LAMC1: variants seen among roughly 807,000 people sequenced by gnomAD.
The protein encoded by LAMC1 is laminin subunit gamma-1.
Under a neutral mutation model 173.6 loss-of-function variants are expected in LAMC1, and 38 were observed. The ratio of observed to expected loss-of-function variants is 0.22; its 90% confidence interval spans 0.17 to 0.29. The LOEUF (loss-of-function observed/expected upper bound fraction) is 0.29, where lower values mean the gene tolerates loss of function less well. LAMC1 is among the 10% of genes least tolerant of loss of function. The pLI is 1.00. For synonymous variants in LAMC1, 746 were observed against 749.1 expected (o/e 1.00, Z 0.07); for missense variants, 1,824 against 2,051.8 (o/e 0.89, Z 2.14).
At chr1:183,094,907 C>CA (rs1655653996) in intron 1 of LAMC1, among the ~76,000 whole-genome samples, 1 of 148,438 alleles carries the variant, frequency 6.7e-6, no homozygotes, top group Non-Finnish European at 1.5e-5. Flanking sequence ...AGTACAGTAA[C>CA]ACGATCTCAG....
intron 3 of LAMC1, among the ~76,000 whole-genome samples, chr1:183,109,297 G>C (rs1336656745): frequency 3.9e-5 from 6 of 152,182 alleles, no homozygotes; most frequent in Non-Finnish European, 7.3e-5. Context: ...TGGGCCAGGA[G>C]GATTAATGTG....
chr1:183,067,581 C>T (rs1367382168), intron 1 of LAMC1, among the ~76,000 whole-genome samples: 1 of 152,060 alleles, frequency 6.6e-6, no homozygotes, highest in African/African-American at 2.4e-5. Flanking sequence ...CTCTGCCTCC[C>T]AGGTTCAAGT....
At chr1:183,045,410 A>G (rs1309695906) in intron 1 of LAMC1, among the ~76,000 whole-genome samples, 1 of 152,008 alleles carries the variant, frequency 6.6e-6, no homozygotes, top group Non-Finnish European at 1.5e-5. Context: ...TGTAATTCCT[A>G]AACAATGTAT....
At position 183,114,739 on chromosome 1, in the gene LAMC1, A is replaced by G; in HGVS notation, c.1210+20A>G. 4 of 1,606,570 alleles carry G rather than the reference A, an allele frequency of 2.5e-6. No homozygotes were observed. Among genetic ancestry groups the G allele is most frequent in the East Asian group, 2.2e-5 (1 of 44,714 alleles). On this transcript the variant is annotated intron_variant, in intron 5 of 27. Transcript: ENST00000258341. Reference sequence around the variant, plus strand: ...CTGTGGGTAAGTGACAGGAAGATGGATTGAAAGACAAAATGATAGTTCCGT... The same window carrying G: ...CTGTGGGTAAGTGACAGGAAGATGGGTTGAAAGACAAAATGATAGTTCCGT...
rs1346317490 is a variant in LAMC1 at position 183,126,176 on chromosome 1, A to T, written c.2858A>T (p.Gln953Leu). 10 of 1,614,128 alleles carry T rather than the reference A, an allele frequency of 6.2e-6. No individual in the cohort carries two copies. Among genetic ancestry groups the T allele is most frequent in the Non-Finnish European group, 7.6e-6 (9 of 1,180,042 alleles). ...TNGQCDIRTG[Q>L]CECQPGITGQ... ...GGGCAGTGTGACATCCGCACCGGCC[A>T]GTGTGAGTGCCAGCCCGGCATCACT... The change falls in exon 16 of 28, where the codon CAG (glutamine) becomes CTG (leucine). Residue 953 changes from glutamine to leucine, a missense_variant. Physicochemically the swap from Gln to Leu is moderately radical, Grantham distance 113. Transcript: ENST00000258341.
chr1:183,136,688 A>T, intron 25 of LAMC1, 103 bp downstream of exon 25: 1 of 948,778 alleles, frequency 1.1e-6, no homozygotes. Context: ...TTTTTCCTGA[A>T]CTTCAGTAAA....
At position 183,137,651 on chromosome 1, in the gene LAMC1, A is replaced by G. The variant is rs554219668; in HGVS notation, c.4315-18A>G. On this transcript the variant is annotated intron_variant, in intron 25 of 27. Coordinates refer to ENST00000258341, the MANE Select transcript of LAMC1 (RefSeq NM_002293.4). ...GGAAAGCTTTTTTAAAAAAAGTACA[A>G]TTTTCTTTTGTGCCTAGAATGCCAC... is the stretch of plus-strand genomic sequence containing the variant. 1.7e-5 allele frequency: 25 copies of G among 1,514,966 alleles called. No homozygotes were observed. Among genetic ancestry groups the G allele is most frequent in the Admixed American group, 2.3e-5 (1 of 43,946 alleles). The allele number at this position is 1,514,966 out of a possible 1,614,324, so 93.8% of individuals were successfully genotyped here. A position where few individuals can be genotyped will look rare whatever the true frequency, so the allele number is the denominator to read the frequency against.
At chr1:183,052,365 C>T (rs1441444692) in intron 1 of LAMC1, among the ~76,000 whole-genome samples, 2 of 151,932 alleles carry the variant, frequency 1.3e-5, no homozygotes, top group South Asian at 2.1e-4. Context: ...GACACAGTCT[C>T]ACTCTGTCGC....
Position 183,125,422 on chromosome 1 carries a change from C to T in LAMC1, c.2673C>T (p.Thr891=), listed in dbSNP as rs750305556. Residue 891 remains threonine, a synonymous_variant, in exon 15 of 28, where the codon ACC becomes ACT. Transcript: ENST00000258341. ...CCTGCAATTGCAATCTGTATGGGACCATGAAGCAGCAGAGCAGCTGTAACC... is the reference window on the plus strand; with the variant it reads ...CCTGCAATTGCAATCTGTATGGGACTATGAAGCAGCAGAGCAGCTGTAACC... ...CKACNCNLYG[T]MKQQSSCNPV... 5.6e-6 allele frequency: 9 copies of T among 1,613,954 alleles called. No homozygotes were observed. Among genetic ancestry groups the T allele is most frequent in the Non-Finnish European group, 7.6e-6 (9 of 1,179,986 alleles).
chr1:183,055,019 G>A (rs186628411), intron 1 of LAMC1, among the ~76,000 whole-genome samples: 54 of 143,406 alleles, frequency 3.8e-4, no homozygotes, highest in African/African-American at 1.3e-3. Flanking sequence ...ATGGAGTTTC[G>A]CTCTTGTTGC....
At chr1:183,109,129 C>T (rs575665682) in intron 3 of LAMC1, among the ~76,000 whole-genome samples, 2 of 152,258 alleles carry the variant, frequency 1.3e-5, no homozygotes, top group African/African-American at 4.8e-5. Flanking sequence ...CTTGGACTTA[C>T]CTCCCCTGTG....
chr1:183,103,069 G>A (rs778384717), intron 1 of LAMC1, among the ~76,000 whole-genome samples: 4 of 152,094 alleles, frequency 2.6e-5, no homozygotes, highest in Non-Finnish European at 5.9e-5. Flanking sequence ...ACTAACATAC[G>A]CCGCCAGTTT....
chr1:183,097,015 G>T (rs1460475988), intron 1 of LAMC1, among the ~76,000 whole-genome samples: 1 of 152,098 alleles, frequency 6.6e-6, no homozygotes, highest in Non-Finnish European at 1.5e-5. Flanking sequence ...GCCTGTGTCT[G>T]CTTGAGGATC....
intron 21 of LAMC1, 56 bp downstream of exon 21, chr1:183,132,593 T>A: frequency 1.5e-6 from 2 of 1,373,506 alleles, no homozygotes; most frequent in Non-Finnish European, 2.1e-6. Context: ...TAAGTAACAC[T>A]AGTTCAATGA....
chr1:183,100,124 C>T (rs990727491), intron 1 of LAMC1, among the ~76,000 whole-genome samples: 2 of 152,176 alleles, frequency 1.3e-5, no homozygotes, highest in South Asian at 2.1e-4. Flanking sequence ...CTTTGTAGTA[C>T]ATCAGTTACT....
rs1653608732 is a variant in LAMC1, at chr1:183,023,900, A to G, written c.184A>G (p.Thr62Ala). ...PEFVNAAFNV[T>A]VVATNTCGTP... ...GTTCGTCAACGCCGCCTTCAACGTG[A>G]CTGTGGTGGCCACCAACACGTGTGG... Residue 62 changes from threonine (T) to alanine (A), a missense_variant, in exon 1 of 28, where the codon ACT becomes GCT. Coordinates refer to ENST00000258341, the MANE Select transcript of LAMC1 (RefSeq NM_002293.4). The G allele has an allele frequency of 6.2e-7, 1 of 1,613,018 alleles. No homozygotes were observed. The highest frequency in any genetic ancestry group is 1.7e-5 in the Admixed American group (1 of 60,016).
intron 1 of LAMC1, among the ~76,000 whole-genome samples, chr1:183,052,222 G>C (rs1571410229): frequency 6.6e-6 from 1 of 151,862 alleles, no homozygotes; most frequent in Non-Finnish European, 1.5e-5. Context: ...TTTTCTTTCT[G>C]TTCTGTCTTT....
At chr1:183,053,990 T>C (rs1037587171) in intron 1 of LAMC1, among the ~76,000 whole-genome samples, 2 of 152,188 alleles carry the variant, frequency 1.3e-5, no homozygotes, top group African/African-American at 4.8e-5. Flanking sequence ...TTTGCTCAAA[T>C]GTTGCTTTTT....
At chr1:183,130,972 C>T (rs938115776) in intron 19 of LAMC1, among the ~76,000 whole-genome samples, 7 of 151,970 alleles carry the variant, frequency 4.6e-5, no homozygotes, top group Non-Finnish European at 7.4e-5. Flanking sequence ...GTCGAGAGTT[C>T]GAGACCAGCT....
Sources: allele counts gnomAD v4.1 joint callset (sites outside exome capture counted in the v4.1 genomes callset), GRCh38; gene constraint gnomAD v4.1.1; transcripts MANE v1.5; gene names NCBI Gene and HGNC (gene_info 2026-07-23, HGNC 2026-07-21).